P4HA1: variants seen among roughly 807,000 people sequenced by gnomAD.
P4HA1 encodes prolyl 4-hydroxylase subunit alpha 1.
P4HA1 carries 24 observed loss-of-function variants against 72.8 expected under a neutral mutation model. The ratio of observed to expected loss-of-function variants is 0.33; its 90% CI spans 0.24 to 0.46. The LOEUF (loss-of-function observed/expected upper bound fraction) is 0.46, where lower values mean the gene tolerates loss of function less well. P4HA1 is among the 20% of genes least tolerant of loss of function. P4HA1 has a pLI of 1.00. For missense variants in P4HA1, 446 were observed against 640.6 expected (o/e 0.70, Z 3.28); for synonymous variants, 201 against 218.8 (o/e 0.92, Z 0.72).
intron 7 of P4HA1, among the ~76,000 whole-genome samples, chr10:73,049,227 C>T (rs16930271): frequency 0.068 from 10,425 of 152,270 alleles, 609 homozygotes; most frequent in East Asian, 0.29. Context: ...TTGAAAGTGT[C>T]ACCATACGTA....
At chr10:73,067,919 A>C (rs149648252) in intron 5 of P4HA1, among the ~76,000 whole-genome samples, 3 of 152,206 alleles carry the variant, frequency 2.0e-5, no homozygotes, top group Non-Finnish European at 4.4e-5. Context: ...ATGTGTCCCC[A>C]GTACCTAACA....
At chr10:73,094,568 T>C (rs1317518135) in intron 1 of P4HA1, among the ~76,000 whole-genome samples, 1 of 152,220 alleles carries the variant, frequency 6.6e-6, no homozygotes, top group Non-Finnish European at 1.5e-5. Flanking sequence ...TATATCCTAG[T>C]TGATAACTGG....
At chr10:73,010,867 A>G in intron 13 of P4HA1, 102 bp downstream of exon 13, 1 of 874,916 alleles carries the variant, frequency 1.1e-6, no homozygotes. Context: ...CAAAAAATGA[A>G]AAAGAAAAAA....
intron 1 of P4HA1, among the ~76,000 whole-genome samples, chr10:73,092,366 T>TTTTA (rs796622096): frequency 2.8e-5 from 4 of 141,704 alleles, no homozygotes; most frequent in African/African-American, 8.4e-5. Context: ...TTTTTTTTTT[T>TTTTA]AGAGACAGGG....
At chr10:73,083,782 T>C (rs1030641833) in intron 1 of P4HA1, among the ~76,000 whole-genome samples, 1 of 152,146 alleles carries the variant, frequency 6.6e-6, no homozygotes, top group Non-Finnish European at 1.5e-5. Context: ...AGAGTGGAAC[T>C]TGGTCTCAAA....
intron 10 of P4HA1, among the ~76,000 whole-genome samples, chr10:73,022,650 T>A (rs1840163396): frequency 6.6e-6 from 1 of 152,136 alleles, no homozygotes; most frequent in Non-Finnish European, 1.5e-5. Flanking sequence ...ATGACTTTGA[T>A]GAGCTGACAG....
intron 9 of P4HA1, among the ~76,000 whole-genome samples, chr10:73,039,604 G>A (rs376332719): frequency 2.5e-4 from 38 of 152,192 alleles, no homozygotes; most frequent in Admixed American, 7.9e-4. Flanking sequence ...ACCATGCCCC[G>A]CCTGTTTTAT....
intron 5 of P4HA1, among the ~76,000 whole-genome samples, chr10:73,057,491 TA>T (rs897883474): frequency 6.6e-6 from 1 of 150,536 alleles, no homozygotes; most frequent in Non-Finnish European, 1.5e-5. Flanking sequence ...CTCCATCTCT[TA>T]AAAAAAACAA....
intron 10 of P4HA1, among the ~76,000 whole-genome samples, chr10:73,029,671 G>T (rs1206157340): frequency 5.3e-5 from 8 of 151,302 alleles, no homozygotes; most frequent in African/African-American, 1.9e-4. Flanking sequence ...GAAACCAAGT[G>T]AGATTATTAT....
chr10:73,047,031 G>C lies in P4HA1; in HGVS notation c.971C>G (p.Ala324Gly), dbSNP rs1374770581. The C allele has an allele frequency of 1.9e-6, 3 of 1,613,266 alleles. No homozygotes were observed. The highest frequency in any genetic ancestry group is 2.5e-6 in the Non-Finnish European group (3 of 1,179,298). The change falls in exon 8 of 15, where the codon GCT becomes GGT. Residue 324 changes from alanine (A) to glycine (G), a missense_variant. Coordinates refer to ENST00000394890, the MANE Select transcript of P4HA1 (RefSeq NM_001017962.3). ...CCATTCATCCTCCTGTTTAGCTGGA[G>C]CCAGAATAAATTTAGGATTACGGTT... Reference protein sequence around the residue: ...DGNRNPKFILAPAKQEDEWDK... With the variant: ...DGNRNPKFILGPAKQEDEWDK...
At chr10:73,021,831 A>G (rs1840143392) in intron 10 of P4HA1, among the ~76,000 whole-genome samples, 1 of 152,244 alleles carries the variant, frequency 6.6e-6, no homozygotes, top group Admixed American at 6.5e-5. Context: ...GCAGACCAGG[A>G]GATTCTTTCC....
chr10:73,068,733 A>T (rs1279290199), intron 5 of P4HA1, 113 bp downstream of exon 5: 1 of 873,690 alleles, frequency 1.1e-6, no homozygotes, highest in Non-Finnish European at 1.8e-6. Context: ...CTATGAAACA[A>T]ACTACAATTT....
intron 7 of P4HA1, among the ~76,000 whole-genome samples, chr10:73,048,261 T>A (rs113512422): frequency 9.9e-5 from 15 of 152,236 alleles, no homozygotes; most frequent in African/African-American, 3.6e-4. Context: ...AGAAAAAGAA[T>A]TTTTTGTTTT....
intron 4 of P4HA1, among the ~76,000 whole-genome samples, chr10:73,070,282 G>A (rs769493461): frequency 2.9e-4 from 42 of 145,598 alleles, no homozygotes; most frequent in Middle Eastern, 7.9e-3. Context: ...TCAGCCTCCC[G>A]ACTAGCTGGG....
rs569957361 is a variant in P4HA1 at position 73,054,441 on chromosome 10, C to G, written c.464-851G>C. On this transcript the variant is annotated intron_variant, in intron 5 of 14. Coordinates refer to ENST00000394890, the MANE Select transcript of P4HA1 (RefSeq NM_001017962.3). ...ACATTTTCATCACTCCAAAAAGAAA[C>G]CCTGTAACCATTAACAGTCACTACC... 7.2e-5 allele frequency among the ~76,000 whole-genome samples: 11 copies of G among 152,310 alleles called. No individual in the cohort carries two copies. The South Asian group carries it at 2.3e-3, about 32-fold the overall frequency.
At chr10:73,030,978 A>G (rs1840420589) in intron 9 of P4HA1, among the ~76,000 whole-genome samples, 1 of 152,242 alleles carries the variant, frequency 6.6e-6, no homozygotes, top group Non-Finnish European at 1.5e-5. Context: ...AATGCTAAAC[A>G]CAGTTATCAA....
chr10:73,037,780 G>A (rs146236573), intron 9 of P4HA1, among the ~76,000 whole-genome samples: 123 of 149,748 alleles, frequency 8.2e-4, no homozygotes, highest in Non-Finnish European at 1.6e-3. Flanking sequence ...AGTTATCTCA[G>A]TCTGAGTACC....
rs200769612 is a variant in P4HA1, at chr10:73,083,074, T to A, written c.-32-8159A>T. On this transcript the variant is annotated intron_variant, in intron 1 of 14. Transcript: ENST00000394890. ...CTTTAAAAGAAAGACTAATCTCAGA[T>A]TATGTCAAAACTTGGCATGTCTTTT... 3.7e-5 allele frequency among the ~76,000 whole-genome samples: 2 copies of A among 54,274 alleles called. 1 individual carries two copies. 35.6% of individuals were successfully genotyped at this position (54,274 alleles called of 152,430 possible).
chr10:73,045,089 C>CA, intron 8 of P4HA1, 38 bp from the exon 9 acceptor site: 1 of 1,548,420 alleles, frequency 6.5e-7, no homozygotes, highest in Non-Finnish European at 8.9e-7. Flanking sequence ...CATTACAAAA[C>CA]AAAAAACTGA....
Sources: allele counts gnomAD v4.1 joint callset (sites outside exome capture counted in the v4.1 genomes callset), GRCh38; gene constraint gnomAD v4.1.1; transcripts MANE v1.5; gene names NCBI Gene and HGNC (gene_info 2026-07-23, HGNC 2026-07-21).